The following ROR1 variants were observed in gnomAD, a reference collection of about 807,000 sequenced individuals.
ROR1 encodes inactive tyrosine-protein kinase transmembrane receptor ROR1.
In ROR1, 19 loss-of-function variants were observed where a neutral mutation model predicts 78.8. The observed-to-expected ratio is 0.24, with a 90% CI of 0.17 to 0.35. The LOEUF (loss-of-function observed/expected upper bound fraction) is 0.35, where lower values mean the gene tolerates loss of function less well. Among genes scored for constraint, ROR1 ranks in the 10% least tolerant of loss-of-function variants. ROR1 has a pLI of 1.00. For missense variants in ROR1, 917 were observed against 1,177.8 expected, an observed-to-expected ratio of 0.78 and a Z score of 3.24; for synonymous variants, 386 against 433.6, an observed-to-expected ratio of 0.89 and a Z score of 1.36.
At chr1:63,812,592 C>G (rs1228610904) in intron 1 of ROR1, among the ~76,000 whole-genome samples, 1 of 152,170 alleles carries the variant, frequency 6.6e-6, no homozygotes, top group Non-Finnish European at 1.5e-5. Context: ...TGACAGCAGA[C>G]TTTTAATGAC....
At chr1:63,793,249 T>C (rs1192871829) in intron 1 of ROR1, among the ~76,000 whole-genome samples, 1 of 152,234 alleles carries the variant, frequency 6.6e-6, no homozygotes, top group Non-Finnish European at 1.5e-5. Context: ...GCCTGGATAC[T>C]CATTCTCAAA....
intron 1 of ROR1, among the ~76,000 whole-genome samples, chr1:63,993,449 A>G (rs894313346): frequency 2.0e-5 from 3 of 152,210 alleles, no homozygotes; most frequent in African/African-American, 7.2e-5. Context: ...TCTGGTGTAG[A>G]CACTGTTCCC....
intron 1 of ROR1, among the ~76,000 whole-genome samples, chr1:63,785,505 A>ATATATATATATATATATAT (rs1557495029): frequency 1.5e-5 from 1 of 68,354 alleles, no homozygotes; most frequent in African/African-American, 2.9e-4. Context: ...TATTTTATTT[A>ATATATATATATATATATAT]TTTATTTATT....
chr1:63,779,979 A>C, intron 1 of ROR1, among the ~76,000 whole-genome samples: 1 of 152,332 alleles, frequency 6.6e-6, no homozygotes, highest in East Asian at 1.9e-4. Context: ...ATAGAAAGGC[A>C]GCAGAAGGCT....
chr1:64,118,012 G>A (rs889606552), intron 4 of ROR1, among the ~76,000 whole-genome samples: 7 of 152,204 alleles, frequency 4.6e-5, no homozygotes, highest in Admixed American at 4.6e-4. Flanking sequence ...ACCAGCCTGG[G>A]CAACATGGTG....
chr1:63,967,330 A>G (rs1348656083), intron 1 of ROR1, among the ~76,000 whole-genome samples: 3 of 152,198 alleles, frequency 2.0e-5, no homozygotes, highest in Admixed American at 1.3e-4. Context: ...GTGAAGGGTG[A>G]CATATTAAAG....
Position 63,834,806 on chromosome 1 carries a change from T to C in ROR1, c.91+60298T>C, listed in dbSNP as rs369745963. ...CAAGATCTGGGCCCAAGGCATGTCG[T>C]TGGGCTCGCCTGAACTTGTATATAA... On this transcript the variant is annotated intron_variant, in intron 1 of 8. Coordinates refer to ENST00000371079, the MANE Select transcript of ROR1 (RefSeq NM_005012.4). Among the ~76,000 whole-genome samples the C allele has an allele frequency of 5.3e-5, 8 of 152,224 alleles. No individual in the cohort carries two copies. In the East Asian group the frequency reaches 7.8e-4, roughly 15 times the overall value.
At chr1:64,059,260 G>A (rs556079573) in intron 4 of ROR1, among the ~76,000 whole-genome samples, 9 of 151,860 alleles carry the variant, frequency 5.9e-5, no homozygotes, top group East Asian at 3.9e-4. Context: ...ACTAACTTTC[G>A]TTGAAAACTG....
intron 1 of ROR1, among the ~76,000 whole-genome samples, chr1:63,897,826 G>A (rs1216759081): frequency 1.3e-5 from 2 of 152,166 alleles, no homozygotes; most frequent in Non-Finnish European, 1.5e-5. Flanking sequence ...TAAAATAAAA[G>A]TACATTTCTT....
intron 4 of ROR1, among the ~76,000 whole-genome samples, chr1:64,059,812 A>G (rs149710008): frequency 3.9e-4 from 60 of 152,114 alleles, no homozygotes; most frequent in African/African-American, 1.2e-3. Flanking sequence ...ACCCTTTGCC[A>G]AGAGGTTTAA....
intron 4 of ROR1, among the ~76,000 whole-genome samples, chr1:64,100,853 T>C (rs1194484759): frequency 6.6e-6 from 1 of 152,190 alleles, no homozygotes; most frequent in Non-Finnish European, 1.5e-5. Flanking sequence ...ATTCAACCCA[T>C]GTAAGTGCCC....
At chr1:63,843,102 C>A in intron 1 of ROR1, 2 of 594,044 alleles carry the variant, frequency 3.4e-6, no homozygotes, top group Admixed American at 4.9e-5. Context: ...CCCCCCAGCC[C>A]CTCTGGTCTG....
intron 1 of ROR1, among the ~76,000 whole-genome samples, chr1:64,003,661 T>C (rs1392524814): frequency 6.7e-6 from 1 of 149,002 alleles, no homozygotes; most frequent in East Asian, 2.0e-4. Context: ...ATTGTGAGCC[T>C]AGGGCTAGAG....
At chr1:63,867,400 G>A (rs919637188) in intron 1 of ROR1, among the ~76,000 whole-genome samples, 2 of 151,900 alleles carry the variant, frequency 1.3e-5, no homozygotes, top group Non-Finnish European at 2.9e-5. Context: ...TGGAGATGGC[G>A]AGCCCAGTTT....
chr1:64,133,402 G>A (rs958324469), intron 4 of ROR1, among the ~76,000 whole-genome samples: 2 of 152,170 alleles, frequency 1.3e-5, no homozygotes, highest in Admixed American at 6.5e-5. Flanking sequence ...TCCTAGATGG[G>A]CACTCCTTTT....
intron 1 of ROR1, among the ~76,000 whole-genome samples, chr1:63,875,370 G>A (rs1285942806): frequency 1.3e-5 from 2 of 152,162 alleles, no homozygotes; most frequent in Non-Finnish European, 2.9e-5. Flanking sequence ...GAATTAGACA[G>A]GGCTATGTTT....
intron 1 of ROR1, among the ~76,000 whole-genome samples, chr1:63,855,210 C>T (rs980085222): frequency 2.6e-5 from 4 of 152,140 alleles, no homozygotes; most frequent in African/African-American, 9.7e-5. Flanking sequence ...TTCCTCTCCT[C>T]TAAACAGTTA....
intron 4 of ROR1, among the ~76,000 whole-genome samples, chr1:64,056,026 G>A (rs892388918): frequency 6.6e-6 from 1 of 152,070 alleles, no homozygotes; most frequent in African/African-American, 2.4e-5. Context: ...TCCTTTTTAT[G>A]GCTGAATAAC....
chr1:63,777,033 A>G (rs897762924), intron 1 of ROR1, among the ~76,000 whole-genome samples: 2 of 152,044 alleles, frequency 1.3e-5, no homozygotes, highest in African/African-American at 2.4e-5. Flanking sequence ...TCATTTTTCT[A>G]TTTTGTTAGC....
Sources: allele counts gnomAD v4.1 joint callset (sites outside exome capture counted in the v4.1 genomes callset), GRCh38; gene constraint gnomAD v4.1.1; transcripts MANE v1.5; gene names NCBI Gene and HGNC (gene_info 2026-07-23, HGNC 2026-07-21).